Variants in SMYD3 observed in about 807,000 individuals in gnomAD.
The protein encoded by SMYD3 is SET and MYND domain containing 3.
SMYD3 carries 36 observed loss-of-function variants against 57.7 expected under a neutral mutation model. The observed-to-expected ratio is 0.62, with a 90% CI of 0.48 to 0.82. SMYD3 has a LOEUF of 0.82. SMYD3 is among the 40% of genes least tolerant of loss of function. The pLI, the probability that SMYD3 is intolerant of heterozygous loss-of-function variation, is 0.00. For synonymous variants in SMYD3, 211 were observed against 195.0 expected (o/e 1.08, Z -0.68); for missense variants, 515 against 538.8 (o/e 0.96, Z 0.44).
chr1:245,849,985 A>T lies in SMYD3; in HGVS notation c.1076+8511T>A, dbSNP rs1441838632. ...TGTCTTGATGACAGAGAGAAAAGGT[A>T]TGGGTTTCCAGGGTCCTGGCATAGC... On this transcript the variant is annotated intron_variant, in intron 10 of 11. Transcript: ENST00000490107. 2.6e-5 allele frequency among the ~76,000 whole-genome samples: 4 copies of T among 151,364 alleles called. No homozygotes were observed. In the East Asian group the frequency reaches 7.8e-4, roughly 29 times the overall value.
intron 1 of SMYD3, among the ~76,000 whole-genome samples, chr1:246,498,941 C>T (rs1394434618): frequency 6.6e-6 from 1 of 151,512 alleles, no homozygotes; most frequent in Admixed American, 6.6e-5. Context: ...AGGGTGCACA[C>T]CATCCCACCC....
intron 5 of SMYD3, among the ~76,000 whole-genome samples, chr1:246,107,253 C>G (rs1425981244): frequency 2.6e-5 from 4 of 151,296 alleles, no homozygotes; most frequent in Non-Finnish European, 4.4e-5. Context: ...CGCCACTGCA[C>G]TCCAGCCTGG....
intron 5 of SMYD3, among the ~76,000 whole-genome samples, chr1:246,231,077 T>C (rs778702054): frequency 7.2e-5 from 11 of 152,202 alleles, no homozygotes; most frequent in African/African-American, 2.4e-4. Flanking sequence ...ACAGACTTAG[T>C]GTACTTTTGG....
intron 1 of SMYD3, among the ~76,000 whole-genome samples, chr1:246,458,965 T>C (rs1421612661): frequency 2.6e-5 from 4 of 152,118 alleles, no homozygotes; most frequent in Admixed American, 2.6e-4. Context: ...TACTGAACTG[T>C]AGAATAGGAT....
intron 5 of SMYD3, among the ~76,000 whole-genome samples, chr1:246,272,004 T>C (rs779225733): frequency 7.9e-5 from 12 of 152,242 alleles, no homozygotes; most frequent in Non-Finnish European, 1.8e-4. Context: ...ATTGTTAAGT[T>C]TTTAACCTCC....
intron 1 of SMYD3, among the ~76,000 whole-genome samples, chr1:246,386,493 T>TA (rs950956740): frequency 1.3e-5 from 2 of 152,036 alleles, no homozygotes; most frequent in Non-Finnish European, 2.9e-5. Context: ...CTAAAGTTGA[T>TA]AAAAAAGCAA....
At chr1:246,306,048 T>C (rs1484255261) in intron 5 of SMYD3, 1 of 152,174 alleles carries the variant, frequency 6.6e-6, no homozygotes, top group Non-Finnish European at 1.5e-5. Context: ...CAAATCAAAA[T>C]TGAAGGCTTA....
At chr1:246,060,052 G>T (rs971930177) in intron 5 of SMYD3, among the ~76,000 whole-genome samples, 1 of 152,098 alleles carries the variant, frequency 6.6e-6, no homozygotes, top group Non-Finnish European at 1.5e-5. Flanking sequence ...TTAGGAGGCC[G>T]AAGTGGAAGG....
intron 5 of SMYD3, among the ~76,000 whole-genome samples, chr1:246,003,210 T>C (rs774884851): frequency 1.3e-5 from 2 of 152,142 alleles, no homozygotes; most frequent in Admixed American, 6.5e-5. Flanking sequence ...AAAAACTCTA[T>C]TGTTCTGTGG....
At chr1:245,784,195 G>A (rs1252424458) in intron 10 of SMYD3, among the ~76,000 whole-genome samples, 2 of 152,164 alleles carry the variant, frequency 1.3e-5, no homozygotes, top group Admixed American at 6.5e-5. Context: ...CTAATTCTGC[G>A]ATGTTCACTT....
At chr1:246,010,784 TGTC>T (rs1368077540) in intron 5 of SMYD3, among the ~76,000 whole-genome samples, 1 of 152,238 alleles carries the variant, frequency 6.6e-6, no homozygotes, top group Non-Finnish European at 1.5e-5. Flanking sequence ...TATGGCATGG[TGTC>T]TATGGATATC....
chr1:246,057,724 C>T (rs879758767), intron 5 of SMYD3, among the ~76,000 whole-genome samples: 1 of 152,266 alleles, frequency 6.6e-6, no homozygotes, highest in East Asian at 1.9e-4. Context: ...ATACTCATCA[C>T]ACAATCCAGA....
intron 10 of SMYD3, among the ~76,000 whole-genome samples, chr1:245,811,041 G>C (rs1024545792): frequency 9.9e-5 from 15 of 152,128 alleles, no homozygotes; most frequent in Non-Finnish European, 4.4e-5. Flanking sequence ...AATTCAACAT[G>C]GCTTCTTGCC....
At chr1:246,155,032 C>T (rs950613625) in intron 5 of SMYD3, among the ~76,000 whole-genome samples, 45 of 152,082 alleles carry the variant, frequency 3.0e-4, no homozygotes, top group African/African-American at 8.9e-4. Context: ...CTGCCCGCCT[C>T]GGCCTCCCAA....
At chr1:246,027,049 T>C (rs2059587787) in intron 5 of SMYD3, among the ~76,000 whole-genome samples, 1 of 152,192 alleles carries the variant, frequency 6.6e-6, no homozygotes, top group Non-Finnish European at 1.5e-5. Context: ...GTCTGAGTGA[T>C]CTGGACAGAA....
intron 5 of SMYD3, among the ~76,000 whole-genome samples, chr1:246,295,835 T>C (rs556359955): frequency 6.6e-6 from 1 of 152,210 alleles, no homozygotes; most frequent in Admixed American, 6.5e-5. Context: ...GTTAAACAAT[T>C]GAGATGACAG....
At chr1:246,284,568 C>T (rs1439445439) in intron 5 of SMYD3, among the ~76,000 whole-genome samples, 1 of 151,974 alleles carries the variant, frequency 6.6e-6, no homozygotes, top group Non-Finnish European at 1.5e-5. Flanking sequence ...AGGCACCCGC[C>T]ACCACACCCG....
intron 10 of SMYD3, among the ~76,000 whole-genome samples, chr1:245,774,120 G>A (rs1038597443): frequency 6.6e-6 from 1 of 152,184 alleles, no homozygotes; most frequent in African/African-American, 2.4e-5. Context: ...GGAAGGCATT[G>A]TCAGGCCAGA....
At chr1:246,499,618 G>A (rs1572061231) in intron 1 of SMYD3, among the ~76,000 whole-genome samples, 1 of 151,818 alleles carries the variant, frequency 6.6e-6, no homozygotes, top group Non-Finnish European at 1.5e-5. Flanking sequence ...ACCACATCTG[G>A]CTAATTTTTG....
Sources: gnomAD v4.1 joint callset for allele counts (sites outside exome capture counted in the v4.1 genomes callset) on GRCh38, gnomAD v4.1.1 for gene constraint, MANE v1.5 for transcripts, NCBI Gene and HGNC (gene_info 2026-07-23, HGNC 2026-07-21) for gene names.